Variants in ANKRD44 observed in about 807,000 individuals in gnomAD.
ANKRD44 encodes ankyrin repeat domain 44.
In ANKRD44, 35 loss-of-function variants were observed where a neutral mutation model predicts 116.0. The observed-to-expected ratio is 0.30, with a 90% confidence interval of 0.23 to 0.40. The LOEUF is 0.40. Among genes scored for constraint, ANKRD44 ranks in the 10% least tolerant of loss-of-function variants. The pLI is 1.00. For synonymous variants in ANKRD44, 435 were observed against 461.8 expected, an observed-to-expected ratio of 0.94 and a Z score of 0.74; for missense variants, 1,014 against 1,242.6, an observed-to-expected ratio of 0.82 and a Z score of 2.77.
chr2:197,031,263 T>G (rs1031026943), intron 16 of ANKRD44, among the ~76,000 whole-genome samples: 3 of 151,818 alleles, frequency 2.0e-5, no homozygotes, highest in African/African-American at 7.3e-5. Flanking sequence ...TTTAACACAA[T>G]AACCTAAAAG....
chr2:197,023,433 T>C (rs2076534111), intron 17 of ANKRD44, among the ~76,000 whole-genome samples: 1 of 152,212 alleles, frequency 6.6e-6, no homozygotes. Context: ...CCACTTGATG[T>C]ACCTTTCCTG....
At chr2:197,208,072 CG>C (rs936471351) in intron 1 of ANKRD44, among the ~76,000 whole-genome samples, 3 of 152,142 alleles carry the variant, frequency 2.0e-5, no homozygotes, top group Non-Finnish European at 4.4e-5. Flanking sequence ...TCACTTTCCT[CG>C]AACTTTCTAA....
chr2:197,131,029 T>C (rs2079082741), intron 4 of ANKRD44, among the ~76,000 whole-genome samples: 1 of 152,178 alleles, frequency 6.6e-6, no homozygotes, highest in African/African-American at 2.4e-5. Context: ...TTTCCTCCAC[T>C]TTCTGGCTGT....
chr2:197,142,813 A>G (rs369731298), intron 3 of ANKRD44, among the ~76,000 whole-genome samples: 2 of 152,060 alleles, frequency 1.3e-5, no homozygotes, highest in East Asian at 1.9e-4. Context: ...AATTTTTGGG[A>G]ATAATTTTGC....
chr2:197,058,352 T>C (rs774963919), intron 16 of ANKRD44, among the ~76,000 whole-genome samples: 14 of 151,992 alleles, frequency 9.2e-5, no homozygotes, highest in South Asian at 2.1e-4. Flanking sequence ...TGGAGTTGAA[T>C]TGGAGGATTC....
At chr2:197,187,234 A>G (rs542418981) in intron 1 of ANKRD44, 128 bp from the exon 2 acceptor site, 3 of 873,676 alleles carry the variant, frequency 3.4e-6, no homozygotes, top group African/African-American at 1.7e-5. Flanking sequence ...ACAAAGATGA[A>G]TAAGACTCAG....
Position 197,078,774 on chromosome 2 carries a change from T to C in ANKRD44, c.1579A>G (p.Ile527Val), listed in dbSNP as rs1336550510. ...CTATTGTAACCTTCCTTGTCCCGGA[T>C]AGATGGATTTGCATCATTTTGAAGC... is the stretch of plus-strand genomic sequence containing the variant. ...FLLQNDANPS[I>V]RDKEGYNSIH... The change falls in exon 16 of 28, where the codon ATC (isoleucine) becomes GTC (valine). Residue 527 changes from isoleucine (I) to valine (V), a missense_variant. Transcript: ENST00000282272. 2 of 1,613,320 alleles carry C rather than the reference T, an allele frequency of 1.2e-6. No homozygotes were observed. The highest frequency in any genetic ancestry group is 1.7e-6 in the Non-Finnish European group (2 of 1,179,440).
intron 1 of ANKRD44, among the ~76,000 whole-genome samples, chr2:197,252,415 T>C (rs975911491): frequency 2.0e-5 from 3 of 152,020 alleles, no homozygotes; most frequent in Admixed American, 2.0e-4. Context: ...ATTTTTTTTT[T>C]CTTTTTTTAG....
At chr2:197,179,471 A>G (rs2080451023) in intron 2 of ANKRD44, among the ~76,000 whole-genome samples, 2 of 152,362 alleles carry the variant, frequency 1.3e-5, no homozygotes, top group South Asian at 2.1e-4. Flanking sequence ...CGTATCTAAT[A>G]TGAAGAAAGG....
At chr2:197,033,605 A>C (rs2076748870) in intron 16 of ANKRD44, among the ~76,000 whole-genome samples, 1 of 151,596 alleles carries the variant, frequency 6.6e-6, no homozygotes, top group Admixed American at 6.6e-5. Flanking sequence ...CTTTCCCCTG[A>C]TATTTCACAA....
intron 1 of ANKRD44, among the ~76,000 whole-genome samples, chr2:197,308,044 C>T (rs1334068622): frequency 2.6e-5 from 4 of 151,874 alleles, no homozygotes; most frequent in Admixed American, 6.6e-5. Context: ...GTGGCACACG[C>T]GCCCATAGTC....
intron 2 of ANKRD44, among the ~76,000 whole-genome samples, chr2:197,161,931 C>G (rs1259691900): frequency 3.3e-5 from 5 of 152,172 alleles, no homozygotes; most frequent in African/African-American, 9.7e-5. Flanking sequence ...CTCTCTAGCA[C>G]ATCAGACTTC....
At chr2:197,019,862 T>C (rs545045969) in intron 17 of ANKRD44, among the ~76,000 whole-genome samples, 27 of 151,902 alleles carry the variant, frequency 1.8e-4, no homozygotes, top group Admixed American at 1.5e-3. Flanking sequence ...AGTGGTGCCA[T>C]CTTGGCTCAC....
At chr2:197,103,894 T>C (rs1489091487) in intron 9 of ANKRD44, among the ~76,000 whole-genome samples, 2 of 152,220 alleles carry the variant, frequency 1.3e-5, no homozygotes, top group Admixed American at 6.5e-5. Flanking sequence ...AAAAGTTTTT[T>C]AGTCCTACGT....
intron 3 of ANKRD44, among the ~76,000 whole-genome samples, chr2:197,143,545 G>A (rs1345926419): frequency 6.6e-6 from 1 of 151,814 alleles, no homozygotes; most frequent in East Asian, 1.9e-4. Flanking sequence ...ATTTTTTATG[G>A]CTGCATAGTA....
At chr2:197,299,082 T>C (rs1409242217) in intron 1 of ANKRD44, among the ~76,000 whole-genome samples, 1 of 152,206 alleles carries the variant, frequency 6.6e-6, no homozygotes, top group Non-Finnish European at 1.5e-5. Flanking sequence ...AGTGTGCTTT[T>C]TTAAGTTTGT....
At chr2:197,205,995 G>A (rs1297371544) in intron 1 of ANKRD44, among the ~76,000 whole-genome samples, 1 of 152,198 alleles carries the variant, frequency 6.6e-6, no homozygotes, top group African/African-American at 2.4e-5. Flanking sequence ...GCCACGCTGA[G>A]ACTTTGTCAC....
intron 17 of ANKRD44, among the ~76,000 whole-genome samples, chr2:197,017,139 GA>G (rs2076407603): frequency 6.6e-6 from 1 of 152,230 alleles, no homozygotes; most frequent in Non-Finnish European, 1.5e-5. Context: ...TGAGAGTATA[GA>G]TTGGTGTGAC....
exon 22 of ANKRD44, chr2:196,967,385 G>T: frequency 2.1e-6 from 1 of 468,316 alleles, no homozygotes; most frequent in Non-Finnish European, 4.4e-6. Flanking sequence ...ATTCATAATT[G>T]GTCCCTCAGG....
Sources: gnomAD v4.1 joint callset for allele counts (sites outside exome capture counted in the v4.1 genomes callset) on GRCh38, gnomAD v4.1.1 for gene constraint, MANE v1.5 for transcripts, NCBI Gene and HGNC (gene_info 2026-07-23, HGNC 2026-07-21) for gene names.